Variants in MMP16 observed in about 807,000 individuals in gnomAD.
MMP16 encodes the protein matrix metallopeptidase 16.
Under a neutral mutation model 67.8 loss-of-function variants are expected in MMP16, and 12 were observed. The ratio of observed to expected loss-of-function variants is 0.18; its 90% CI spans 0.11 to 0.29. The LOEUF (loss-of-function observed/expected upper bound fraction) is 0.29. Ranked by LOEUF, MMP16 falls within the 10% of genes least tolerant of loss-of-function variation. MMP16 has a pLI of 1.00. For synonymous variants in MMP16, 249 were observed against 255.9 expected (o/e 0.97, Z 0.26); for missense variants, 475 against 765.7 (o/e 0.62, Z 4.48).
chr8:88,185,206 C>A (rs529331498), intron 3 of MMP16, among the ~76,000 whole-genome samples: 1 of 152,228 alleles, frequency 6.6e-6, no homozygotes, highest in South Asian at 2.1e-4. Flanking sequence ...TGCCTGTAAT[C>A]CTAGCACTTT....
intron 2 of MMP16, among the ~76,000 whole-genome samples, chr8:88,188,651 C>G (rs1175654188): frequency 6.6e-6 from 1 of 151,116 alleles, no homozygotes; most frequent in African/African-American, 2.4e-5. Context: ...TTCCAAAGAA[C>G]AGATTTTTTT....
intron 1 of MMP16, among the ~76,000 whole-genome samples, chr8:88,247,506 T>A (rs72675187): frequency 1.2e-3 from 181 of 152,142 alleles, no homozygotes; most frequent in Non-Finnish European, 2.2e-3. Flanking sequence ...GCATTCTCTA[T>A]CTCTGTTCCC....
At chr8:88,180,451 ATATTATCTT>A (rs1808962280) in intron 3 of MMP16, among the ~76,000 whole-genome samples, 1 of 152,232 alleles carries the variant, frequency 6.6e-6, no homozygotes, top group Admixed American at 6.5e-5. Flanking sequence ...GGAGAAAGAT[ATATTATCTT>A]TATGCACATT....
chr8:88,061,245 G>A (rs1246236145), intron 7 of MMP16, among the ~76,000 whole-genome samples: 1 of 151,572 alleles, frequency 6.6e-6, no homozygotes, highest in Non-Finnish European at 1.5e-5. Context: ...CTGTTTCACA[G>A]CATGCTCTAT....
intron 1 of MMP16, among the ~76,000 whole-genome samples, chr8:88,222,335 G>GA (rs1329053421): frequency 1.3e-5 from 2 of 152,102 alleles, no homozygotes; most frequent in Admixed American, 6.6e-5. Flanking sequence ...TACAGAATTG[G>GA]AAAAAACTAG....
chr8:88,295,596 A>G (rs879902149), intron 1 of MMP16, among the ~76,000 whole-genome samples: 7 of 150,360 alleles, frequency 4.7e-5, no homozygotes, highest in Non-Finnish European at 1.0e-4. Flanking sequence ...GTGAGTGATG[A>G]TCTCAAGTTT....
intron 1 of MMP16, among the ~76,000 whole-genome samples, chr8:88,311,431 G>A (rs184092091): frequency 3.9e-5 from 6 of 152,246 alleles, no homozygotes; most frequent in Admixed American, 3.9e-4. Context: ...GAGCCTTTGT[G>A]ATTTATAACA....
chr8:88,082,382 C>T (rs1037038695), intron 6 of MMP16, among the ~76,000 whole-genome samples: 70 of 152,182 alleles, frequency 4.6e-4, no homozygotes, highest in African/African-American at 1.6e-3. Flanking sequence ...GCATGACATA[C>T]ATATTTGTCT....
At chr8:88,196,629 T>C (rs1672138737) in intron 2 of MMP16, among the ~76,000 whole-genome samples, 1 of 152,178 alleles carries the variant, frequency 6.6e-6, no homozygotes, top group African/African-American at 2.4e-5. Context: ...CAGTGAAACC[T>C]ATCTTTGATT....
At position 88,074,791 on chromosome 8, in the gene MMP16, G is replaced by C. The variant is rs760153302; in HGVS notation, c.1084-48C>G. 3 of 1,584,046 alleles carry C rather than the reference G, an allele frequency of 1.9e-6. No individual in the cohort carries two copies. In the African/African-American group the frequency reaches 4.1e-5, roughly 22 times the overall value. The stretch of plus-strand genomic sequence containing the variant: ...TCTCAACAAACACGTAGGCCTCCCT[G>C]GCATTTCACGGCGCAATGGCTGGAC... On this transcript the variant is annotated intron_variant, in intron 6 of 9. Transcript: ENST00000286614.
At chr8:88,063,188 T>A (rs1586130250) in intron 7 of MMP16, among the ~76,000 whole-genome samples, 1 of 152,212 alleles carries the variant, frequency 6.6e-6, no homozygotes, top group African/African-American at 2.4e-5. Context: ...ATTGCAGTGA[T>A]TTTTCAATGA....
chr8:88,159,501 C>A (rs950627582), intron 4 of MMP16, among the ~76,000 whole-genome samples: 1 of 152,062 alleles, frequency 6.6e-6, no homozygotes. Flanking sequence ...TGTGATTTTT[C>A]ACATTGATTT....
At chr8:88,112,770 C>T (rs1467537280) in intron 6 of MMP16, among the ~76,000 whole-genome samples, 4 of 151,394 alleles carry the variant, frequency 2.6e-5, no homozygotes, top group Non-Finnish European at 5.9e-5. Flanking sequence ...AAATGGATGC[C>T]TGGAAAGTAC....
intron 1 of MMP16, among the ~76,000 whole-genome samples, chr8:88,242,953 T>G (rs1810055572): frequency 6.6e-6 from 1 of 152,184 alleles, no homozygotes; most frequent in Non-Finnish European, 1.5e-5. Flanking sequence ...TTAGGCTGAC[T>G]AGATAGGCAT....
At chr8:88,069,566 G>C (rs1303827779) in intron 7 of MMP16, 1 of 466,192 alleles carries the variant, frequency 2.1e-6, no homozygotes, top group Non-Finnish European at 4.2e-6. Context: ...GATGAAGAAA[G>C]TATCTCCTTT....
At chr8:88,250,648 T>C (rs1443147962) in intron 1 of MMP16, among the ~76,000 whole-genome samples, 1 of 151,954 alleles carries the variant, frequency 6.6e-6, no homozygotes, top group Non-Finnish European at 1.5e-5. Context: ...AAACATTTCA[T>C]CTCTTAAAAT....
intron 7 of MMP16, among the ~76,000 whole-genome samples, chr8:88,063,292 C>T (rs992632908): frequency 6.6e-6 from 1 of 151,954 alleles, no homozygotes; most frequent in African/African-American, 2.4e-5. Flanking sequence ...TATTCAATGT[C>T]TGTTTATTAT....
chr8:88,327,182 C>T lies in MMP16; in HGVS notation c.25G>A (p.Gly9Arg), dbSNP rs1216621802. 4 of 1,614,050 alleles carry T rather than the reference C, an allele frequency of 2.5e-6. No homozygotes were observed. Among genetic ancestry groups the T allele is most frequent in the Non-Finnish European group, 3.4e-6 (4 of 1,179,986 alleles). The part of the protein sequence containing the change: MILLTFST[G>R]RRLDFVHHSG... ...TGATGCACGAAATCCAACCGTCTTC[C>T]AGTGCTGAATGTGAGTAAGATCATA... The change falls in exon 1 of 10, where the codon GGA (glycine) becomes AGA (arginine). Residue 9 changes from glycine to arginine, a missense_variant. This residue lies in a region of MMP16 where 170 missense variants were observed against 239.6 expected (regional missense o/e 0.71). Coordinates refer to ENST00000286614, the MANE Select transcript of MMP16 (RefSeq NM_005941.5).
chr8:88,176,327 T>C (rs1402819479), intron 3 of MMP16, among the ~76,000 whole-genome samples: 1 of 152,316 alleles, frequency 6.6e-6, no homozygotes, highest in East Asian at 1.9e-4. Context: ...GAAATTATAA[T>C]CAGTTCTGAA....
Sources: gnomAD v4.1 joint callset for allele counts (sites outside exome capture counted in the v4.1 genomes callset) on GRCh38, gnomAD v4.1.1 for gene constraint, gnomAD v4.1.1 regional missense constraint, MANE v1.5 for transcripts, NCBI Gene and HGNC (gene_info 2026-07-23, HGNC 2026-07-21) for gene names.